The following PTPRT variants were observed in gnomAD, a reference collection of about 807,000 sequenced individuals.
The protein encoded by PTPRT is protein tyrosine phosphatase receptor type T, also known as receptor-type tyrosine-protein phosphatase T.
PTPRT carries 56 observed loss-of-function variants against 176.8 expected under a neutral mutation model. The observed-to-expected ratio is 0.32, with a 90% CI of 0.26 to 0.40. The LOEUF is 0.40. Among genes scored for constraint, PTPRT ranks in the 10% least tolerant of loss-of-function variants. The pLI is 1.00. For synonymous variants in PTPRT, 783 were observed against 739.0 expected, an observed-to-expected ratio of 1.06 and a Z score of -0.96; for missense variants, 1,540 against 1,908.2, an observed-to-expected ratio of 0.81 and a Z score of 3.60.
intron 12 of PTPRT, among the ~76,000 whole-genome samples, chr20:42,312,332 T>A (rs906472389): frequency 4.7e-4 from 72 of 152,310 alleles, no homozygotes; most frequent in African/African-American, 1.7e-3. Flanking sequence ...TTGTGGATTA[T>A]AACACTTTCT....
At chr20:42,613,522 T>C (rs1247802262) in intron 7 of PTPRT, among the ~76,000 whole-genome samples, 1 of 152,246 alleles carries the variant, frequency 6.6e-6, no homozygotes, top group Non-Finnish European at 1.5e-5. Context: ...CATATGTAAA[T>C]GTAAGTCAAT....
chr20:43,143,820 A>G (rs1254425634), intron 1 of PTPRT, among the ~76,000 whole-genome samples: 1 of 152,238 alleles, frequency 6.6e-6, no homozygotes, highest in African/African-American at 2.4e-5. Context: ...AAAAATGGCC[A>G]TTCAACTGGA....
intron 19 of PTPRT, among the ~76,000 whole-genome samples, chr20:42,126,252 A>G (rs1056476494): frequency 2.0e-5 from 3 of 152,208 alleles, no homozygotes; most frequent in Admixed American, 6.5e-5. Context: ...TAGGACCCCA[A>G]GAGTGACTCA....
intron 6 of PTPRT, among the ~76,000 whole-genome samples, chr20:42,709,238 G>A (rs1000625968): frequency 5.3e-5 from 8 of 152,202 alleles, no homozygotes; most frequent in African/African-American, 1.7e-4. Context: ...ATCTTGCAGT[G>A]TGTTACGGAT....
rs1304699353 is a variant in PTPRT, at chr20:42,359,030, C to T, written c.1561-6745G>A. Among the ~76,000 whole-genome samples the T allele has an allele frequency of 5.9e-5, 9 of 152,158 alleles. 1 individual carries two copies. The highest frequency in any genetic ancestry group is 8.8e-5 in the Non-Finnish European group (6 of 68,030). On this transcript the variant is annotated intron_variant, in intron 9 of 30. Coordinates refer to ENST00000373187, the MANE Select transcript of PTPRT (RefSeq NM_007050.6). ...AGGATCATACCACAGTGCTACTAAA[C>T]GTGTGGTTTGCAGATAAACAGCATC... is the stretch of plus-strand genomic sequence containing the variant.
At chr20:43,032,146 T>A (rs973649838) in intron 1 of PTPRT, among the ~76,000 whole-genome samples, 5 of 152,184 alleles carry the variant, frequency 3.3e-5, no homozygotes, top group Non-Finnish European at 5.9e-5. Context: ...CTGAGTCCCT[T>A]GTCTGAGGCA....
chr20:42,284,395 C>A (rs2057193211), intron 12 of PTPRT, among the ~76,000 whole-genome samples: 1 of 151,990 alleles, frequency 6.6e-6, no homozygotes, highest in Admixed American at 6.6e-5. Flanking sequence ...ACTACAATTT[C>A]CATCTTCTTC....
At chr20:42,937,569 T>C (rs1980270055) in intron 1 of PTPRT, among the ~76,000 whole-genome samples, 1 of 152,220 alleles carries the variant, frequency 6.6e-6, no homozygotes, top group African/African-American at 2.4e-5. Context: ...CTATAGTTTC[T>C]ATTCATTGGC....
intron 7 of PTPRT, among the ~76,000 whole-genome samples, chr20:42,625,733 G>T (rs2074277854): frequency 6.6e-6 from 1 of 151,960 alleles, no homozygotes; most frequent in African/African-American, 2.4e-5. Context: ...AACACAATGA[G>T]AGAGAAAAAC....
intron 2 of PTPRT, among the ~76,000 whole-genome samples, chr20:42,883,868 G>C (rs1394886231): frequency 9.7e-4 from 92 of 94,952 alleles, no homozygotes; most frequent in Middle Eastern, 0.011. Flanking sequence ...CCATAGACAT[G>C]CATACACACA....
chr20:42,125,965 G>C (rs1252913020), intron 19 of PTPRT, among the ~76,000 whole-genome samples: 1 of 143,408 alleles, frequency 7.0e-6, no homozygotes, highest in Non-Finnish European at 1.5e-5. Flanking sequence ...AATTCAACCT[G>C]CATCAATATA....
chr20:42,823,238 G>C (rs927299994), intron 2 of PTPRT, among the ~76,000 whole-genome samples: 1 of 152,130 alleles, frequency 6.6e-6, no homozygotes, highest in African/African-American at 2.4e-5. Context: ...TGCTTTGCAG[G>C]GACATGGATG....
At chr20:42,838,111 C>G (rs1471929866) in intron 2 of PTPRT, among the ~76,000 whole-genome samples, 1 of 152,178 alleles carries the variant, frequency 6.6e-6, no homozygotes, top group Non-Finnish European at 1.5e-5. Context: ...ACTGCAACTT[C>G]TGCCTCCTGG....
At chr20:42,788,120 G>A (rs535861218) in intron 3 of PTPRT, among the ~76,000 whole-genome samples, 9 of 152,006 alleles carry the variant, frequency 5.9e-5, no homozygotes, top group Non-Finnish European at 1.3e-4. Flanking sequence ...TTAGTGACAC[G>A]TGTTAAAAAC....
rs140392906 is a variant in PTPRT, at chr20:42,392,684, C to T, written c.1561-40399G>A. Among the ~76,000 whole-genome samples, 218 of 152,216 alleles carry T rather than the reference C, an allele frequency of 1.4e-3. 3 individuals are homozygous for T. The highest frequency in any genetic ancestry group is 3.8e-3 in the African/African-American group (158 of 41,532). On this transcript the variant is annotated intron_variant, in intron 9 of 30. Coordinates refer to ENST00000373187, the MANE Select transcript of PTPRT (RefSeq NM_007050.6). ...AGTATAAGGATTGGAAAAGCCTGCC[C>T]GGGCCCTGAAAACTCAGAGGGAGTA...
chr20:42,923,120 G>A (rs1378940085), intron 1 of PTPRT, among the ~76,000 whole-genome samples: 4 of 152,128 alleles, frequency 2.6e-5, no homozygotes, highest in Admixed American at 6.5e-5. Context: ...ATTCATACCT[G>A]TAGGAGAGCC....
At chr20:42,101,457 G>A (rs892901619) in intron 26 of PTPRT, among the ~76,000 whole-genome samples, 1 of 152,168 alleles carries the variant, frequency 6.6e-6, no homozygotes, top group African/African-American at 2.4e-5. Context: ...AAACGCAGGG[G>A]AGAAGCTTAG....
chr20:42,753,012 T>C (rs1456661765), intron 6 of PTPRT, among the ~76,000 whole-genome samples: 1 of 152,150 alleles, frequency 6.6e-6, no homozygotes, highest in African/African-American at 2.4e-5. Context: ...TTAAATGTAT[T>C]TCTCCAGCAA....
rs561893666 is a variant in PTPRT at position 42,577,226 on chromosome 20, A to G, written c.1153+100640T>C. On this transcript the variant is annotated intron_variant, in intron 7 of 30. Transcript: ENST00000373187. ...ATCAGGCTCTTTACAAAATTGGATCACAGAAGCATAATATGGTTTGCAAGG... is the reference window on the plus strand; with the variant it reads ...ATCAGGCTCTTTACAAAATTGGATCGCAGAAGCATAATATGGTTTGCAAGG... Among the ~76,000 whole-genome samples the G allele has an allele frequency of 5.3e-5, 8 of 152,322 alleles. No individual in the cohort carries two copies. In the East Asian group the frequency reaches 1.2e-3, roughly 22 times the overall value.
Sources: allele counts gnomAD v4.1 joint callset (sites outside exome capture counted in the v4.1 genomes callset), GRCh38; gene constraint gnomAD v4.1.1; transcripts MANE v1.5; gene names NCBI Gene and HGNC (gene_info 2026-07-23, HGNC 2026-07-21).